Variants in TMEM131 observed in about 807,000 individuals in gnomAD.
TMEM131 encodes transmembrane protein 131, also known as 2610524E03Rik.
Under a neutral mutation model 211.6 loss-of-function variants are expected in TMEM131, and 66 were observed. The ratio of observed to expected loss-of-function variants is 0.31; its 90% CI spans 0.26 to 0.38. The LOEUF (loss-of-function observed/expected upper bound fraction) is 0.38. Ranked by LOEUF, TMEM131 falls within the 10% of genes least tolerant of loss-of-function variation. The probability of loss-of-function intolerance (pLI) is 1.00; values close to 1 mark genes in which losing one functional copy is unlikely to be tolerated. For missense variants in TMEM131, 2,036 were observed against 2,299.3 expected (o/e 0.89, Z 2.34); for synonymous variants, 844 against 841.3 (o/e 1.00, Z -0.06).
intron 33 of TMEM131, 57 bp downstream of exon 33, chr2:97,772,240 G>A: frequency 2.5e-6 from 4 of 1,571,058 alleles, no homozygotes; most frequent in Non-Finnish European, 3.4e-6. Context: ...ACAGCACCTG[G>A]TTTTCGCCAG....
intron 3 of TMEM131, among the ~76,000 whole-genome samples, chr2:97,889,726 G>A (rs917151832): frequency 2.0e-5 from 3 of 151,986 alleles, no homozygotes; most frequent in African/African-American, 7.2e-5. Flanking sequence ...AATTACAAAT[G>A]GAAATGTCTA....
At chr2:97,816,754 A>G (rs557573211) in intron 12 of TMEM131, among the ~76,000 whole-genome samples, 8 of 152,362 alleles carry the variant, frequency 5.3e-5, no homozygotes. Context: ...ATTGTATCAT[A>G]CATAGCAAAT....
At chr2:97,926,547 T>A (rs573449678) in intron 2 of TMEM131, among the ~76,000 whole-genome samples, 4 of 152,108 alleles carry the variant, frequency 2.6e-5, no homozygotes, top group Non-Finnish European at 5.9e-5. Flanking sequence ...TCTGTAGGAG[T>A]CTTAGGTTTT....
intron 4 of TMEM131, among the ~76,000 whole-genome samples, chr2:97,872,589 C>T (rs891658337): frequency 3.3e-5 from 5 of 152,078 alleles, no homozygotes; most frequent in African/African-American, 1.2e-4. Context: ...GTACAGCCCA[C>T]GGAGGGCGAG....
At chr2:97,804,392 C>T (rs1240892842) in intron 22 of TMEM131, among the ~76,000 whole-genome samples, 1 of 152,026 alleles carries the variant, frequency 6.6e-6, no homozygotes, top group East Asian at 1.9e-4. Context: ...GGGCTGGGCA[C>T]AGTGGGTCAC....
At chr2:97,873,901 A>C (rs1185966625) in intron 4 of TMEM131, among the ~76,000 whole-genome samples, 1 of 152,234 alleles carries the variant, frequency 6.6e-6, no homozygotes, top group Non-Finnish European at 1.5e-5. Context: ...AGGTTTCAGA[A>C]GGTGGGTAAT....
intron 1 of TMEM131, among the ~76,000 whole-genome samples, chr2:97,954,503 T>C (rs1678469476): frequency 1.3e-5 from 2 of 152,052 alleles, no homozygotes; most frequent in Non-Finnish European, 2.9e-5. Context: ...AGACAGTGAA[T>C]TTGTGAAGAG....
intron 1 of TMEM131, among the ~76,000 whole-genome samples, chr2:97,976,402 T>A (rs897136952): frequency 1.3e-5 from 2 of 152,136 alleles, no homozygotes; most frequent in African/African-American, 2.4e-5. Flanking sequence ...ATTGAGATTT[T>A]AAAAAAATAT....
At chr2:97,952,657 A>T (rs564913833) in intron 1 of TMEM131, among the ~76,000 whole-genome samples, 1 of 152,306 alleles carries the variant, frequency 6.6e-6, no homozygotes, top group East Asian at 1.9e-4. Context: ...CGGGAGGGCC[A>T]CTTGAGCCCA....
intron 1 of TMEM131, among the ~76,000 whole-genome samples, chr2:97,940,017 A>T (rs1677642116): frequency 6.6e-6 from 1 of 152,168 alleles, no homozygotes; most frequent in African/African-American, 2.4e-5. Flanking sequence ...TTGATGGGAC[A>T]TATCTCAAAA....
At chr2:97,893,219 A>G (rs141146870) in intron 3 of TMEM131, among the ~76,000 whole-genome samples, 4,442 of 152,210 alleles carry the variant, frequency 0.029, 79 homozygotes, top group Middle Eastern at 0.065. Flanking sequence ...AAGGGCATGA[A>G]CTCACCCTTT....
intron 2 of TMEM131, among the ~76,000 whole-genome samples, chr2:97,913,899 G>A (rs1676396108): frequency 6.6e-6 from 1 of 152,128 alleles, no homozygotes; most frequent in Non-Finnish European, 1.5e-5. Flanking sequence ...GGATATACCT[G>A]GGAGCCAGTT....
chr2:97,974,356 C>T (rs1364899309), intron 1 of TMEM131, among the ~76,000 whole-genome samples: 1 of 151,994 alleles, frequency 6.6e-6, no homozygotes, highest in Non-Finnish European at 1.5e-5. Flanking sequence ...CAACTTCAAG[C>T]TGTCTAATGC....
At chr2:97,977,979 C>T (rs554119933) in intron 1 of TMEM131, among the ~76,000 whole-genome samples, 14 of 152,096 alleles carry the variant, frequency 9.2e-5, no homozygotes, top group African/African-American at 2.9e-4. Flanking sequence ...CCCAGCTACT[C>T]GGGAGGTCAT....
At chr2:97,778,466 G>A (rs940050375) in intron 31 of TMEM131, among the ~76,000 whole-genome samples, 26 of 151,862 alleles carry the variant, frequency 1.7e-4, no homozygotes, top group Admixed American at 1.4e-3. Flanking sequence ...CAGGAGAATC[G>A]CTTGAACTCA....
chr2:97,812,078 G>A (rs1247646067), intron 17 of TMEM131, among the ~76,000 whole-genome samples: 2 of 152,028 alleles, frequency 1.3e-5, no homozygotes, highest in Admixed American at 6.6e-5. Flanking sequence ...CAATGTTCAG[G>A]GCCATCTCTT....
intron 1 of TMEM131, among the ~76,000 whole-genome samples, chr2:97,986,456 ATC>A (rs1680031650): frequency 1.3e-5 from 2 of 152,200 alleles, no homozygotes; most frequent in African/African-American, 2.4e-5. Context: ...GCATTTTATA[ATC>A]TGTTTTATTC....
intron 4 of TMEM131, among the ~76,000 whole-genome samples, chr2:97,867,980 A>T (rs76384187): frequency 0.025 from 3,761 of 152,280 alleles, 167 homozygotes; most frequent in African/African-American, 0.087. Flanking sequence ...TTTAAAAAAT[A>T]ATTCTCATTA....
At chr2:97,841,615 CTG>C (rs1184544918) in intron 7 of TMEM131, among the ~76,000 whole-genome samples, 198 bp downstream of exon 7, 2 of 11,700 alleles carry the variant, frequency 1.7e-4, no homozygotes, top group African/African-American at 7.6e-3. Flanking sequence ...AAAATCCAGA[CTG>C]CTGTATTCCA....
Sources: gnomAD v4.1 joint callset for allele counts (sites outside exome capture counted in the v4.1 genomes callset) on GRCh38, gnomAD v4.1.1 for gene constraint, MANE v1.5 for transcripts, NCBI Gene and HGNC (gene_info 2026-07-23, HGNC 2026-07-21) for gene names.